SEMA3A: variants seen among roughly 807,000 people sequenced by gnomAD.
SEMA3A encodes semaphorin 3A.
In SEMA3A, 29 loss-of-function variants were observed where a neutral mutation model predicts 97.9. The observed-to-expected ratio is 0.30, with a 90% CI of 0.22 to 0.40. SEMA3A has a LOEUF of 0.40. Among genes scored for constraint, SEMA3A ranks in the 10% least tolerant of loss-of-function variants. SEMA3A has a pLI of 1.00. For missense variants in SEMA3A, 763 were observed against 951.3 expected, an observed-to-expected ratio of 0.80 and a Z score of 2.60; for synonymous variants, 321 against 323.7, an observed-to-expected ratio of 0.99 and a Z score of 0.09.
At chr7:84,431,304 G>T (rs1273751822) in intron 1 of SEMA3A, among the ~76,000 whole-genome samples, 1 of 151,920 alleles carries the variant, frequency 6.6e-6, no homozygotes, top group African/African-American at 2.4e-5. Context: ...ATATTGAAAG[G>T]GCAATTTCGT....
intron 3 of SEMA3A, among the ~76,000 whole-genome samples, chr7:84,230,975 T>G (rs1799104059): frequency 6.6e-6 from 1 of 151,964 alleles, no homozygotes; most frequent in Admixed American, 6.6e-5. Flanking sequence ...CTTAAGAGTA[T>G]CACAGTAAGG....
chr7:84,268,342 G>C (rs1007921158), intron 3 of SEMA3A, among the ~76,000 whole-genome samples: 1 of 150,092 alleles, frequency 6.7e-6, no homozygotes, highest in Admixed American at 6.7e-5. Flanking sequence ...TTTTCCCTTT[G>C]GAGTCCCAAG....
At chr7:84,219,038 G>A (rs1019757394) in intron 3 of SEMA3A, among the ~76,000 whole-genome samples, 3 of 152,012 alleles carry the variant, frequency 2.0e-5, no homozygotes, top group Non-Finnish European at 4.4e-5. Context: ...TCCTCTCAAG[G>A]AGACTGACTC....
intron 3 of SEMA3A, among the ~76,000 whole-genome samples, chr7:84,115,615 C>A (rs1394705179): frequency 6.6e-6 from 1 of 152,106 alleles, no homozygotes; most frequent in African/African-American, 2.4e-5. Flanking sequence ...TACTATCACT[C>A]TGATTCATCA....
intron 1 of SEMA3A, among the ~76,000 whole-genome samples, chr7:84,487,328 G>A (rs1244942443): frequency 6.6e-6 from 1 of 152,010 alleles, no homozygotes; most frequent in African/African-American, 2.4e-5. Flanking sequence ...ACTGCTGGCT[G>A]GGACTTCAGG....
At chr7:84,486,635 T>C (rs1327054367) in intron 1 of SEMA3A, among the ~76,000 whole-genome samples, 1 of 152,162 alleles carries the variant, frequency 6.6e-6, no homozygotes, top group African/African-American at 2.4e-5. Flanking sequence ...GGATACTCTG[T>C]ACATTTTGAA....
chr7:84,453,239 CTT>C (rs774894152), intron 1 of SEMA3A, among the ~76,000 whole-genome samples: 17 of 128,876 alleles, frequency 1.3e-4, no homozygotes, highest in Admixed American at 8.2e-5. Flanking sequence ...GACTTTGTTT[CTT>C]TTTTTTTTTT....
At chr7:84,422,107 G>A (rs776179554) in intron 1 of SEMA3A, among the ~76,000 whole-genome samples, 3 of 151,894 alleles carry the variant, frequency 2.0e-5, no homozygotes, top group South Asian at 2.1e-4. Context: ...GCTCCTCTTC[G>A]TACCTCTGGT....
At chr7:84,065,875 A>T (rs943343958) in intron 4 of SEMA3A, among the ~76,000 whole-genome samples, 4 of 151,844 alleles carry the variant, frequency 2.6e-5, no homozygotes, top group Non-Finnish European at 4.4e-5. Flanking sequence ...TTCTGAAACT[A>T]TTCCAATCAA....
chr7:84,018,218 ACCTCC>A (rs1791182716), intron 6 of SEMA3A, among the ~76,000 whole-genome samples: 1 of 151,604 alleles, frequency 6.6e-6, no homozygotes. Flanking sequence ...TCCTTCCTTC[ACCTCC>A]GAATTTCTCT....
intron 1 of SEMA3A, among the ~76,000 whole-genome samples, chr7:84,461,703 C>A (rs548240681): frequency 1.2e-4 from 19 of 152,232 alleles, no homozygotes; most frequent in African/African-American, 4.6e-4. Flanking sequence ...TAATCTATTA[C>A]TGTTCAGCTA....
At chr7:84,022,523 G>A (rs970852160) in intron 6 of SEMA3A, among the ~76,000 whole-genome samples, 4 of 152,090 alleles carry the variant, frequency 2.6e-5, no homozygotes, top group Non-Finnish European at 4.4e-5. Context: ...TGTATACAGC[G>A]ACCCTGGATA....
chr7:84,297,922 C>A (rs1800908699), intron 3 of SEMA3A, among the ~76,000 whole-genome samples: 2 of 152,190 alleles, frequency 1.3e-5, no homozygotes, highest in African/African-American at 4.8e-5. Context: ...ACAGAAATAA[C>A]ATGAGTAATG....
Position 84,160,909 on chromosome 7 carries a change from T to A in SEMA3A, c.113-25958A>T, listed in dbSNP as rs550073287. 3.6e-3 allele frequency among the ~76,000 whole-genome samples: 553 copies of A among 151,700 alleles called. 3 individuals carry two copies. Among genetic ancestry groups the A allele is most frequent in the African/African-American group, 0.012 (509 of 41,382 alleles). ...AAATAAATAAATAAATAAAATAAAA[T>A]AATTCCATAGGATAGGTAGTATTAT... On this transcript the variant is annotated intron_variant, in intron 1 of 16. Coordinates refer to ENST00000265362, the MANE Select transcript of SEMA3A (RefSeq NM_006080.3).
intron 15 of SEMA3A, among the ~76,000 whole-genome samples, chr7:83,966,666 T>G (rs937802462): frequency 4.6e-5 from 7 of 152,184 alleles, no homozygotes; most frequent in South Asian, 2.1e-4. Context: ...ATTTTATATT[T>G]TGTTAGGTTC....
intron 1 of SEMA3A, among the ~76,000 whole-genome samples, chr7:84,164,432 A>C (rs1240316007): frequency 6.6e-6 from 1 of 151,994 alleles, no homozygotes; most frequent in Non-Finnish European, 1.5e-5. Flanking sequence ...TTTCTTTATC[A>C]TGTTTCTTTA....
At chr7:84,139,456 G>A (rs529848246) in intron 1 of SEMA3A, among the ~76,000 whole-genome samples, 1 of 152,140 alleles carries the variant, frequency 6.6e-6, no homozygotes, top group African/African-American at 2.4e-5. Flanking sequence ...GGTGACTAAA[G>A]AAGCATTCTG....
intron 3 of SEMA3A, among the ~76,000 whole-genome samples, chr7:84,264,370 T>A (rs1799938276): frequency 6.6e-6 from 1 of 152,166 alleles, no homozygotes; most frequent in Non-Finnish European, 1.5e-5. Context: ...TCTTTTTAAT[T>A]TTCCTGAATA....
intron 4 of SEMA3A, among the ~76,000 whole-genome samples, chr7:84,110,136 A>G (rs1355966589): frequency 6.6e-6 from 1 of 152,150 alleles, no homozygotes; most frequent in African/African-American, 2.4e-5. Flanking sequence ...GAGGATGGAA[A>G]AGGAGGAGAA....
Sources: gnomAD v4.1 joint callset for allele counts (sites outside exome capture counted in the v4.1 genomes callset) on GRCh38, gnomAD v4.1.1 for gene constraint, MANE v1.5 for transcripts, NCBI Gene and HGNC (gene_info 2026-07-23, HGNC 2026-07-21) for gene names.